DGCR2: variants seen among roughly 807,000 people sequenced by gnomAD.
DGCR2 encodes DiGeorge syndrome critical region gene 2.
In DGCR2, 24 loss-of-function variants were observed where a neutral mutation model predicts 51.6. That is an observed-to-expected ratio of 0.47 (90% confidence interval 0.34 to 0.65). The LOEUF is 0.65. DGCR2 is among the 30% of genes least tolerant of loss of function. The pLI, the probability that DGCR2 is intolerant of heterozygous loss-of-function variation, is 0.01. For synonymous variants in DGCR2, 340 were observed against 315.4 expected, an observed-to-expected ratio of 1.08 and a Z score of -0.82; for missense variants, 765 against 772.1, an observed-to-expected ratio of 0.99 and a Z score of 0.11.
At chr22:19,060,802 G>A (rs761411693) in intron 5 of DGCR2, 3 of 480,592 alleles carry the variant, frequency 6.2e-6, no homozygotes, top group Admixed American at 2.3e-5. Flanking sequence ...GGGCTCACAG[G>A]CTGGTGTGGG....
At chr22:19,056,534 A>T in intron 6 of DGCR2, 1 of 427,008 alleles carries the variant, frequency 2.3e-6, no homozygotes, top group Non-Finnish European at 4.3e-6. Context: ...CCCAAAAGCA[A>T]TAGAGTTAGC....
chr22:19,041,265 G>A lies in DGCR2; in HGVS notation c.1189C>T (p.Pro397Ser). 6.2e-7 allele frequency: 1 copy of A among 1,614,102 alleles called. No individual in the cohort carries two copies. Among genetic ancestry groups the A allele is most frequent in the Non-Finnish European group, 8.5e-7 (1 of 1,179,998 alleles). ...CCGTCTGGGCCGTAATCAAAGCCAG[G>A]GATCCTGCGGCCGAGGTTGAAGTGG... ...LHHFNLGRRI[P>S]GFDYGPDGFG... Residue 397 changes from proline to serine, a missense_variant, in exon 9 of 10, where the codon CCT becomes TCT. Transcript: ENST00000263196.
intron 2 of DGCR2, among the ~76,000 whole-genome samples, chr22:19,083,732 C>CTCTCCCTCTCTTTCCACGG (rs2146000605): frequency 7.1e-6 from 1 of 141,416 alleles, no homozygotes; most frequent in South Asian, 2.4e-4. Flanking sequence ...CACGGTCTCC[C>CTCTCCCTCTCTTTCCACGG]TCTCCCTCTC....
chr22:19,088,378 T>G (rs1403376477), intron 2 of DGCR2, among the ~76,000 whole-genome samples: 1 of 152,184 alleles, frequency 6.6e-6, no homozygotes, highest in Non-Finnish European at 1.5e-5. Context: ...ACATCTGAGC[T>G]ACACCTTGAA....
In DGCR2 at chr22:19,048,609, C is replaced by T. The variant is rs750375168; in HGVS notation, c.837G>A (p.Val279=). 5.6e-6 allele frequency: 9 copies of T among 1,614,134 alleles called. No homozygotes were observed. The highest frequency in any genetic ancestry group is 1.3e-5 in the African/African-American group (1 of 74,946). ...TAGGGGTGAAGTAGAACCCTTCATC[C>T]ACCACGTTGTCCTTGATGTCAACAC... is the stretch of plus-strand genomic sequence containing the variant. The part of the protein sequence containing the change: ...QTCVDIKDNV[V]DEGFYFTPKG... The change falls in exon 7 of 10, where the codon GTG becomes GTA. Residue 279 remains valine, a synonymous_variant. Coordinates refer to ENST00000263196, the MANE Select transcript of DGCR2 (RefSeq NM_005137.3).
rs61553396 is a variant in DGCR2 at position 19,041,041 on chromosome 22, C to G, written c.1396+17G>C. On this transcript the variant is annotated intron_variant, in intron 9 of 9. Transcript: ENST00000263196. ...GTTACTTGACAAGGTGTTCCCTCTC[C>G]CTGGGGAGTCAGGCACCTGCAGGGT... is the stretch of plus-strand genomic sequence containing the variant. 15 of 1,567,502 alleles carry G rather than the reference C, an allele frequency of 9.6e-6. No homozygotes were observed. The African/African-American group carries it at 2.0e-4, about 21-fold the overall frequency.
At chr22:19,042,071 G>T in intron 7 of DGCR2, 112 bp from the exon 8 acceptor site, 1 of 1,266,384 alleles carries the variant, frequency 7.9e-7, no homozygotes, top group Non-Finnish European at 1.1e-6. Context: ...GGCACACAGT[G>T]TCTCCCTGCA....
chr22:19,043,399 G>C (rs1361765756), intron 7 of DGCR2, among the ~76,000 whole-genome samples: 1 of 151,984 alleles, frequency 6.6e-6, no homozygotes, highest in African/African-American at 2.4e-5. Context: ...TGGGGAGGCA[G>C]AGATGACATG....
intron 1 of DGCR2, among the ~76,000 whole-genome samples, chr22:19,118,424 G>A (rs1265888277): frequency 6.7e-6 from 1 of 150,312 alleles, no homozygotes; most frequent in African/African-American, 2.5e-5. Context: ...GAGCCAAGGT[G>A]CTGTGTTCAC....
chr22:19,095,359 T>C (rs2083126993), intron 1 of DGCR2, among the ~76,000 whole-genome samples: 1 of 148,854 alleles, frequency 6.7e-6, no homozygotes, highest in Non-Finnish European at 1.5e-5. Context: ...CAAAATTCTG[T>C]CTCAAAAAAA....
chr22:19,122,346 C>G lies in DGCR2; in HGVS notation c.-140G>C. ...GAGAGGCGGCGGGAAAGAGCTTCGG[C>G]TGGGCCGCGGGCTGGCGCACACTCT... On this transcript the variant is annotated 5_prime_UTR_variant, in exon 1 of 10. Transcript: ENST00000263196. The G allele has an allele frequency of 3.2e-6, 2 of 630,594 alleles. No individual in the cohort carries two copies. The highest frequency in any genetic ancestry group is 4.9e-6 in the Non-Finnish European group (2 of 404,690). The allele number at this position is 630,594 out of a possible 1,614,324, so 39.1% of individuals were successfully genotyped here.
At chr22:19,108,569 T>TAAAAAAAAAAAAAAAAAAAAAAA (rs55803042) in intron 1 of DGCR2, among the ~76,000 whole-genome samples, 2 of 90,724 alleles carry the variant, frequency 2.2e-5, no homozygotes, top group African/African-American at 7.4e-5. Flanking sequence ...AGAATTTATC[T>TAAAAAAAAAAAAAAAAAAAAAAA]AAAAAAAAAA....
chr22:19,109,998 G>A (rs185033826), intron 1 of DGCR2, among the ~76,000 whole-genome samples: 7 of 152,346 alleles, frequency 4.6e-5, no homozygotes, highest in African/African-American at 1.7e-4. Context: ...TTGTCTAACA[G>A]AGTGGGTCCA....
At chr22:19,060,317 A>G (rs1224238001) in intron 5 of DGCR2, among the ~76,000 whole-genome samples, 3 of 152,194 alleles carry the variant, frequency 2.0e-5, no homozygotes, top group African/African-American at 7.2e-5. Context: ...GTACAGCACC[A>G]GAGAAAGAAG....
At chr22:19,062,779 A>ATTCATAT in intron 5 of DGCR2, among the ~76,000 whole-genome samples, 1 of 127,354 alleles carries the variant, frequency 7.9e-6, no homozygotes, top group Non-Finnish European at 1.8e-5. Context: ...ATGCATGCTC[A>ATTCATAT]CTCTCTCTCT....
intron 1 of DGCR2, among the ~76,000 whole-genome samples, chr22:19,095,251 A>G (rs549028879): frequency 8.5e-5 from 13 of 152,280 alleles, no homozygotes; most frequent in African/African-American, 3.1e-4. Context: ...AATCCCAGCT[A>G]TTCAGGAGGC....
chr22:19,104,747 TG>T (rs2146039811), intron 1 of DGCR2, among the ~76,000 whole-genome samples: 1 of 152,326 alleles, frequency 6.6e-6, no homozygotes, highest in Admixed American at 6.5e-5. Flanking sequence ...TGCTCACACC[TG>T]GCAGTAAAGC....
At chr22:19,118,061 C>A (rs1391423295) in intron 1 of DGCR2, among the ~76,000 whole-genome samples, 1 of 152,184 alleles carries the variant, frequency 6.6e-6, no homozygotes, top group Non-Finnish European at 1.5e-5. Flanking sequence ...TGTGCTACTT[C>A]ACATGAAAGA....
At chr22:19,063,123 G>A (rs776260235) in intron 5 of DGCR2, 79 bp downstream of exon 5, 8 of 1,382,438 alleles carry the variant, frequency 5.8e-6, no homozygotes, top group South Asian at 3.5e-5. Context: ...GCAGCACTGG[G>A]TAAGAGGGAG....
Sources: allele counts gnomAD v4.1 joint callset (sites outside exome capture counted in the v4.1 genomes callset), GRCh38; gene constraint gnomAD v4.1.1; transcripts MANE v1.5; gene names NCBI Gene and HGNC (gene_info 2026-07-23, HGNC 2026-07-21).